The following ELMO1 variants were observed in gnomAD, a reference collection of about 807,000 sequenced individuals.
The protein encoded by ELMO1 is engulfment and cell motility 1.
ELMO1 carries 26 observed loss-of-function variants against 98.9 expected under a neutral mutation model. The ratio of observed to expected loss-of-function variants is 0.26; its 90% CI spans 0.19 to 0.36. ELMO1 has a LOEUF of 0.36. Among genes scored for constraint, ELMO1 ranks in the 10% least tolerant of loss-of-function variants. ELMO1 has a pLI of 1.00. For synonymous variants in ELMO1, 346 were observed against 346.0 expected, an observed-to-expected ratio of 1.00 and a Z score of 0.00; for missense variants, 627 against 935.2, an observed-to-expected ratio of 0.67 and a Z score of 4.30.
chr7:36,901,836 T>A (rs1429270893), intron 16 of ELMO1, among the ~76,000 whole-genome samples: 1 of 152,196 alleles, frequency 6.6e-6, no homozygotes, highest in Non-Finnish European at 1.5e-5. Context: ...GCAAACAACT[T>A]ACGTATCTTC....
At chr7:37,373,858 G>T (rs76908703) in intron 1 of ELMO1, among the ~76,000 whole-genome samples, 1,665 of 152,256 alleles carry the variant, frequency 0.011, 28 homozygotes, top group African/African-American at 0.038. Flanking sequence ...CTCAACAAAG[G>T]CTCATGTTTA....
At chr7:37,317,201 C>T (rs929100196) in intron 2 of ELMO1, among the ~76,000 whole-genome samples, 1 of 152,120 alleles carries the variant, frequency 6.6e-6, no homozygotes, top group Non-Finnish European at 1.5e-5. Flanking sequence ...TTCTGAACAC[C>T]GTTTGTATAG....
At chr7:37,029,618 G>C (rs1251989766) in intron 15 of ELMO1, among the ~76,000 whole-genome samples, 1 of 152,106 alleles carries the variant, frequency 6.6e-6, no homozygotes, top group Non-Finnish European at 1.5e-5. Context: ...TCCTGGAAGG[G>C]AATCTGGTTT....
At chr7:37,336,140 T>C (rs1030156119) in intron 2 of ELMO1, among the ~76,000 whole-genome samples, 5 of 151,952 alleles carry the variant, frequency 3.3e-5, no homozygotes, top group Non-Finnish European at 5.9e-5. Context: ...GGCAGGAGGA[T>C]ATCTTGAGCC....
intron 16 of ELMO1, among the ~76,000 whole-genome samples, chr7:36,917,826 G>C (rs572280488): frequency 6.6e-6 from 1 of 152,306 alleles, no homozygotes; most frequent in Non-Finnish European, 1.5e-5. Context: ...TGGTAGCAGG[G>C]AGCTGAGTGT....
At chr7:37,004,672 G>T (rs1206590934) in intron 16 of ELMO1, among the ~76,000 whole-genome samples, 1 of 152,146 alleles carries the variant, frequency 6.6e-6, no homozygotes, top group Non-Finnish European at 1.5e-5. Context: ...ATTCAAAATG[G>T]TAAGATTCAC....
In ELMO1 at chr7:37,187,714, T is replaced by A. The variant is rs149502582; in HGVS notation, c.1086+23672A>T. 2.5e-3 allele frequency among the ~76,000 whole-genome samples: 374 copies of A among 152,328 alleles called. 1 individual carries two copies. Among genetic ancestry groups the A allele is most frequent in the African/African-American group, 8.8e-3 (364 of 41,584 alleles). On this transcript the variant is annotated intron_variant, in intron 13 of 21. Transcript: ENST00000310758. ...AACTGTAGTAAACTGTATTACTGTA[T>A]ATACAAGGCCGCAGGTGCACTGAAA...
chr7:37,000,363 T>G (rs1792565060), intron 16 of ELMO1, among the ~76,000 whole-genome samples: 1 of 152,190 alleles, frequency 6.6e-6, no homozygotes, highest in African/African-American at 2.4e-5. Context: ...AAAAGCCATA[T>G]GCCATACACC....
At chr7:37,324,253 T>C (rs978027506) in intron 2 of ELMO1, among the ~76,000 whole-genome samples, 2 of 152,170 alleles carry the variant, frequency 1.3e-5, no homozygotes, top group African/African-American at 4.8e-5. Flanking sequence ...GCTGCCCACA[T>C]TTCTGCCTTG....
At chr7:37,396,466 A>C in intron 1 of ELMO1, among the ~76,000 whole-genome samples, 1 of 152,182 alleles carries the variant, frequency 6.6e-6, no homozygotes, top group East Asian at 1.9e-4. Flanking sequence ...AAGAATGATA[A>C]AATAAGATTG....
At chr7:37,262,861 C>T (rs1263928297) in intron 5 of ELMO1, among the ~76,000 whole-genome samples, 1 of 152,192 alleles carries the variant, frequency 6.6e-6, no homozygotes, top group African/African-American at 2.4e-5. Context: ...CTCATTTTCC[C>T]CATCAGTAGG....
chr7:36,952,964 CTTTTTTTT>C (rs70980904), intron 16 of ELMO1, among the ~76,000 whole-genome samples: 2 of 82,882 alleles, frequency 2.4e-5, no homozygotes, highest in Non-Finnish European at 2.3e-5. Context: ...AGTCACTACT[CTTTTTTTT>C]TTTTTTTTTT....
chr7:37,066,505 AG>A (rs1249515724), intron 15 of ELMO1, among the ~76,000 whole-genome samples: 2 of 152,180 alleles, frequency 1.3e-5, no homozygotes, highest in African/African-American at 4.8e-5. Flanking sequence ...TCTCCAAAGA[AG>A]GCACTGTGGC....
intron 1 of ELMO1, among the ~76,000 whole-genome samples, chr7:37,447,714 C>CCACCCACACACACACACACACA (rs1323474343): frequency 2.3e-5 from 3 of 132,138 alleles, no homozygotes; most frequent in Admixed American, 7.2e-5. Context: ...CGCGCACACA[C>CCACCCACACACACACACACACA]CACACACACA....
At chr7:37,104,156 A>G (rs958786259) in intron 14 of ELMO1, among the ~76,000 whole-genome samples, 3 of 152,006 alleles carry the variant, frequency 2.0e-5, no homozygotes, top group African/African-American at 7.2e-5. Flanking sequence ...GTGTTGTCTA[A>G]TCACATTGTC....
At chr7:37,322,503 T>C (rs547247890) in intron 2 of ELMO1, among the ~76,000 whole-genome samples, 72 of 151,806 alleles carry the variant, frequency 4.7e-4, no homozygotes, top group African/African-American at 1.6e-3. Context: ...TATACTCCTA[T>C]TGACTTGGGA....
chr7:37,271,342 A>G (rs1182622835), intron 5 of ELMO1: 2 of 154,262 alleles, frequency 1.3e-5, no homozygotes, highest in African/African-American at 4.8e-5. Context: ...CATTAGGTGG[A>G]TGTGTGAGTA....
intron 14 of ELMO1, among the ~76,000 whole-genome samples, chr7:37,130,112 TTGG>T (rs376031411): frequency 3.9e-5 from 6 of 152,290 alleles, no homozygotes; most frequent in African/African-American, 1.4e-4. Context: ...CACATCTGTG[TTGG>T]TGACTTTCCT....
At chr7:36,926,503 C>G (rs966031771) in intron 16 of ELMO1, among the ~76,000 whole-genome samples, 3 of 152,120 alleles carry the variant, frequency 2.0e-5, no homozygotes, top group Non-Finnish European at 4.4e-5. Context: ...GTGACCCCCC[C>G]AACTGAGGTT....
Sources: gnomAD v4.1 joint callset for allele counts (sites outside exome capture counted in the v4.1 genomes callset) on GRCh38, gnomAD v4.1.1 for gene constraint, MANE v1.5 for transcripts, NCBI Gene and HGNC (gene_info 2026-07-23, HGNC 2026-07-21) for gene names.